Variants in KANK1 observed in about 807,000 individuals in gnomAD.
KANK1 encodes the protein KN motif and ankyrin repeat domains 1.
Under a neutral mutation model 106.2 loss-of-function variants are expected in KANK1, and 109 were observed. That is an observed-to-expected ratio of 1.03 (90% CI 0.88 to 1.20). The LOEUF is 1.20. KANK1 is among the 50% of genes most tolerant of loss of function. KANK1 has a pLI of 0.00. For missense variants in KANK1, 2,399 were observed against 1,710.7 expected (o/e 1.40, Z -7.10); for synonymous variants, 873 against 652.2 (o/e 1.34, Z -5.16).
In KANK1 at chr9:518,850, C is replaced by T. The variant is rs1384254047; in HGVS notation, c.-84+14096C>T. On this transcript the variant is annotated intron_variant, in intron 1 of 11. Transcript: ENST00000382297. ...CCAAGTCTTGTAGGAAACCACAACT[C>T]CATGAAGCCTATATGGAGTTTCTTA... 4.6e-5 allele frequency among the ~76,000 whole-genome samples: 7 copies of T among 151,458 alleles called. No homozygotes were observed. In the East Asian group the frequency reaches 1.4e-3, roughly 29 times the overall value.
chr9:554,845 T>G (rs754111871), intron 1 of KANK1, among the ~76,000 whole-genome samples: 7 of 152,146 alleles, frequency 4.6e-5, no homozygotes, highest in Non-Finnish European at 8.8e-5. Context: ...GATGTGAAAA[T>G]TTAAAAAACG....
chr9:606,599 T>C (rs886656124), intron 1 of KANK1, among the ~76,000 whole-genome samples: 4 of 40,708 alleles, frequency 9.8e-5, no homozygotes, highest in South Asian at 2.3e-3. Context: ...CTATAAAATA[T>C]GTGTGTGTGT....
rs572435278 is a variant in KANK1 at position 665,598 on chromosome 9, G to A, written c.-83-11292G>A. 3.1e-3 allele frequency among the ~76,000 whole-genome samples: 466 copies of A among 152,268 alleles called. 3 individuals are homozygous for A. Among genetic ancestry groups the A allele is most frequent in the Non-Finnish European group, 4.9e-3 (335 of 68,024 alleles). ...TTGTAGTATATTTTTAAGTCAAGTA[G>A]TGTGAGGCCTCCAGCTTTGCTCTTT... On this transcript the variant is annotated intron_variant, in intron 1 of 11. Coordinates refer to ENST00000382297, the MANE Select transcript of KANK1 (RefSeq NM_015158.5).
chr9:655,126 C>G (rs1034140885), intron 1 of KANK1, among the ~76,000 whole-genome samples: 4 of 152,048 alleles, frequency 2.6e-5, no homozygotes, highest in Non-Finnish European at 4.4e-5. Flanking sequence ...CCCCAGCACT[C>G]TAGGAGGCCA....
At chr9:742,109 C>A in intron 9 of KANK1, 96 bp from the exon 10 acceptor site, 1 of 1,063,150 alleles carries the variant, frequency 9.4e-7, no homozygotes, top group Non-Finnish European at 1.4e-6. Flanking sequence ...CCTTCTGTCA[C>A]CACACTCTTC....
chr9:645,343 G>C (rs907416932), intron 1 of KANK1, among the ~76,000 whole-genome samples: 2 of 147,286 alleles, frequency 1.4e-5, no homozygotes, highest in African/African-American at 2.6e-5. Flanking sequence ...AGAAGTCTGA[G>C]GCAGGAGAAT....
At chr9:499,310 T>C (rs772993873) in intron 3 of KANK1, among the ~76,000 whole-genome samples, 18 of 152,226 alleles carry the variant, frequency 1.2e-4, no homozygotes, top group Admixed American at 3.9e-4. Flanking sequence ...GCATTATTAA[T>C]AATAGCCCAA....
At chr9:625,530 A>T (rs985194034) in intron 1 of KANK1, among the ~76,000 whole-genome samples, 1 of 151,992 alleles carries the variant, frequency 6.6e-6, no homozygotes, top group African/African-American at 2.4e-5. Context: ...TCTCATAGTT[A>T]TCCGTTGTTA....
At chr9:553,033 C>T (rs998339524) in intron 1 of KANK1, among the ~76,000 whole-genome samples, 2 of 152,088 alleles carry the variant, frequency 1.3e-5, no homozygotes, top group African/African-American at 2.4e-5. Flanking sequence ...GTAATCCCAG[C>T]TACTTGGGAG....
At chr9:615,959 G>A (rs577605459) in intron 1 of KANK1, among the ~76,000 whole-genome samples, 1 of 152,256 alleles carries the variant, frequency 6.6e-6, no homozygotes, top group East Asian at 1.9e-4. Context: ...CTGTGTTGAT[G>A]CCATTTGCCT....
chr9:561,492 A>G (rs1478564303), intron 1 of KANK1, among the ~76,000 whole-genome samples: 1 of 152,220 alleles, frequency 6.6e-6, no homozygotes, highest in Non-Finnish European at 1.5e-5. Flanking sequence ...AGATATCTCA[A>G]ATACACTCAT....
intron 1 of KANK1, among the ~76,000 whole-genome samples, chr9:575,025 G>T (rs998797938): frequency 2.6e-5 from 4 of 152,020 alleles, no homozygotes; most frequent in African/African-American, 9.7e-5. Context: ...GCTAACATTT[G>T]CTAGGCTTTA....
chr9:571,657 A>G (rs935010896), intron 1 of KANK1, among the ~76,000 whole-genome samples: 3 of 152,322 alleles, frequency 2.0e-5, no homozygotes, highest in Non-Finnish European at 4.4e-5. Context: ...TCTCATATAA[A>G]TTTACATTTA....
intron 1 of KANK1, among the ~76,000 whole-genome samples, chr9:562,879 TG>T (rs1816855116): frequency 6.6e-6 from 1 of 152,188 alleles, no homozygotes; most frequent in African/African-American, 2.4e-5. Context: ...ATTTGTTGAA[TG>T]AAAAAAATGA....
intron 1 of KANK1, among the ~76,000 whole-genome samples, chr9:508,325 C>T (rs972021485): frequency 6.1e-4 from 92 of 151,140 alleles, no homozygotes; most frequent in African/African-American, 2.1e-3. Context: ...TTAGTAGAAA[C>T]GGGGTTTCTC....
upstream of KANK1, among the ~76,000 whole-genome samples, chr9:503,403 A>G (rs771178559): frequency 3.3e-5 from 5 of 152,134 alleles, no homozygotes; most frequent in African/African-American, 4.8e-5. Flanking sequence ...CTGCCTTCAC[A>G]TATCTTCCGG....
chr9:709,845 G>C (rs1825439663), intron 2 of KANK1, among the ~76,000 whole-genome samples: 1 of 152,114 alleles, frequency 6.6e-6, no homozygotes, highest in Admixed American at 6.5e-5. Context: ...TCAAACTCTT[G>C]ACCTCAGGTG....
chr9:716,743 C>A (rs549483744), intron 3 of KANK1, among the ~76,000 whole-genome samples: 1 of 152,154 alleles, frequency 6.6e-6, no homozygotes, highest in African/African-American at 2.4e-5. Context: ...CTTAAAATTA[C>A]AACTAGAGCA....
chr9:687,925 A>G (rs1041106849), intron 2 of KANK1, among the ~76,000 whole-genome samples: 15 of 152,206 alleles, frequency 9.9e-5, no homozygotes, highest in South Asian at 2.1e-4. Flanking sequence ...ATGCCCAACA[A>G]TGCCTTGCTT....
Sources: allele counts gnomAD v4.1 joint callset (sites outside exome capture counted in the v4.1 genomes callset), GRCh38; gene constraint gnomAD v4.1.1; transcripts MANE v1.5; gene names NCBI Gene and HGNC (gene_info 2026-07-23, HGNC 2026-07-21).